The following CEP63 variants were observed in gnomAD, a reference collection of about 807,000 sequenced individuals.
The protein encoded by CEP63 is centrosomal protein 63, also known as centrosomal protein of 63 kDa.
A neutral mutation model predicts 89.1 loss-of-function variants in CEP63; 84 were observed. The ratio of observed to expected loss-of-function variants is 0.94; its 90% CI spans 0.79 to 1.13. The LOEUF is 1.13. CEP63 is among the 50% of genes most tolerant of loss of function. The pLI, the probability that CEP63 is intolerant of heterozygous loss-of-function variation, is 0.00. For synonymous variants in CEP63, 267 were observed against 272.5 expected, an observed-to-expected ratio of 0.98 and a Z score of 0.20; for missense variants, 838 against 813.3, an observed-to-expected ratio of 1.03 and a Z score of -0.37.
intron 5 of CEP63, among the ~76,000 whole-genome samples, chr3:134,533,596 A>G: frequency 6.6e-6 from 1 of 152,218 alleles, no homozygotes; most frequent in East Asian, 1.9e-4. Context: ...AGATGAAGGA[A>G]GAGCACAAGG....
chr3:134,593,001 C>T, the CEP63 span, among the ~76,000 whole-genome samples: 1 of 152,036 alleles, frequency 6.6e-6, no homozygotes. Flanking sequence ...ACTCACTGAG[C>T]CCAGTGGGTG....
the CEP63 span, among the ~76,000 whole-genome samples, chr3:134,759,648 A>G: frequency 6.6e-6 from 1 of 152,226 alleles, no homozygotes; most frequent in Non-Finnish European, 1.5e-5. Flanking sequence ...GCTAAGGGGC[A>G]GGGGTCTCTG....
At chr3:134,677,206 C>T in the CEP63 span, among the ~76,000 whole-genome samples, 2 of 152,176 alleles carry the variant, frequency 1.3e-5, no homozygotes, top group African/African-American at 2.4e-5. Context: ...TTGCAGTGAG[C>T]GCAGATGGCG....
At chr3:134,496,974 G>C (rs1194546624) in intron 2 of CEP63, among the ~76,000 whole-genome samples, 1 of 152,074 alleles carries the variant, frequency 6.6e-6, no homozygotes, top group Non-Finnish European at 1.5e-5. Context: ...TTCTAACTGG[G>C]GTGAGATGAA....
intron 10 of CEP63, among the ~76,000 whole-genome samples, chr3:134,587,142 T>C (rs1958501100): frequency 6.6e-6 from 1 of 152,210 alleles, no homozygotes; most frequent in Non-Finnish European, 1.5e-5. Flanking sequence ...TAGAACATGC[T>C]TCGTTCGCTC....
chr3:134,596,736 A>C, the CEP63 span, among the ~76,000 whole-genome samples: 19 of 152,200 alleles, frequency 1.2e-4, no homozygotes, highest in Non-Finnish European at 2.6e-4. Flanking sequence ...ACCAAAGCAT[A>C]TATATTCAAG....
At chr3:134,610,646 C>A in the CEP63 span, 1 of 413,286 alleles carries the variant, frequency 2.4e-6, no homozygotes, top group East Asian at 4.1e-5. Flanking sequence ...AGACCAACAC[C>A]ATTCAGATCA....
At chr3:134,639,463 C>T in the CEP63 span, among the ~76,000 whole-genome samples, 78 of 152,238 alleles carry the variant, frequency 5.1e-4, no homozygotes, top group Non-Finnish European at 7.8e-4. Context: ...CCATTAGGAA[C>T]GGAAAACAAA....
At chr3:134,771,968 T>G in the CEP63 span, among the ~76,000 whole-genome samples, 3 of 152,222 alleles carry the variant, frequency 2.0e-5, no homozygotes, top group African/African-American at 7.2e-5. Flanking sequence ...TAAAGCCATA[T>G]ATGTATTCTG....
At chr3:134,501,775 G>A (rs922089529) in intron 2 of CEP63, among the ~76,000 whole-genome samples, 2 of 152,166 alleles carry the variant, frequency 1.3e-5, no homozygotes, top group Non-Finnish European at 2.9e-5. Context: ...CATCAGCAAA[G>A]ATAGATAATT....
chr3:134,706,429 G>A, the CEP63 span, among the ~76,000 whole-genome samples: 1 of 152,194 alleles, frequency 6.6e-6, no homozygotes, highest in Non-Finnish European at 1.5e-5. Flanking sequence ...CTCCAGCTAT[G>A]AGATGCTAAG....
the CEP63 span, among the ~76,000 whole-genome samples, chr3:134,673,899 C>T: frequency 1.0e-3 from 154 of 152,304 alleles, no homozygotes; most frequent in East Asian, 5.6e-3. Context: ...ATCACTCTTC[C>T]GGTAAAACAG....
the CEP63 span, among the ~76,000 whole-genome samples, chr3:134,662,164 C>A: frequency 6.6e-6 from 1 of 152,036 alleles, no homozygotes; most frequent in Non-Finnish European, 1.5e-5. Flanking sequence ...GTAATCCCAG[C>A]TACCCAGGAG....
chr3:134,649,132 A>T, the CEP63 span, among the ~76,000 whole-genome samples: 1 of 152,340 alleles, frequency 6.6e-6, no homozygotes, highest in East Asian at 1.9e-4. Context: ...AGTGACACAG[A>T]TCTCTACACT....
chr3:134,514,378 G>A (rs1423179726), intron 3 of CEP63, among the ~76,000 whole-genome samples: 1 of 151,974 alleles, frequency 6.6e-6, no homozygotes, highest in African/African-American at 2.4e-5. Context: ...ATCCCTGAAG[G>A]AGAAAAAAAA....
At chr3:134,614,461 T>C in the CEP63 span, among the ~76,000 whole-genome samples, 3 of 152,032 alleles carry the variant, frequency 2.0e-5, no homozygotes, top group South Asian at 2.1e-4. Flanking sequence ...TGGAGAAAGC[T>C]GCAGCCCCCA....
the CEP63 span, chr3:134,608,163 T>C: frequency 5.2e-6 from 6 of 1,158,944 alleles, no homozygotes; most frequent in South Asian, 5.3e-5. Context: ...GCTGAGGCCA[T>C]GTATTCTCTC....
the CEP63 span, among the ~76,000 whole-genome samples, chr3:134,605,186 G>A: frequency 6.6e-6 from 1 of 152,070 alleles, no homozygotes. Context: ...GATTTTGAGG[G>A]ACAGGTGGTC....
At chr3:134,688,170 C>T in the CEP63 span, among the ~76,000 whole-genome samples, 2 of 152,082 alleles carry the variant, frequency 1.3e-5, no homozygotes, top group Admixed American at 1.3e-4. Flanking sequence ...TCCAAATGCC[C>T]GTCACCTGGT....
Sources: allele counts gnomAD v4.1 joint callset (sites outside exome capture counted in the v4.1 genomes callset), GRCh38; gene constraint gnomAD v4.1.1; transcripts MANE v1.5; gene names NCBI Gene and HGNC (gene_info 2026-07-23, HGNC 2026-07-21).